RNASEL: variants seen among roughly 807,000 people sequenced by gnomAD.
RNASEL encodes ribonuclease L.
A neutral mutation model predicts 50.9 loss-of-function variants in RNASEL; 36 were observed. The ratio of observed to expected loss-of-function variants is 0.71; its 90% CI spans 0.54 to 0.93. The LOEUF (loss-of-function observed/expected upper bound fraction) is 0.93. Ranked by LOEUF, RNASEL falls within the 40% of genes least tolerant of loss-of-function variation. The pLI, the probability that RNASEL is intolerant of heterozygous loss-of-function variation, is 0.00. For synonymous variants in RNASEL, 335 were observed against 335.6 expected, an observed-to-expected ratio of 1.00 and a Z score of 0.02; for missense variants, 860 against 894.5, an observed-to-expected ratio of 0.96 and a Z score of 0.49.
intron 6 of RNASEL, 30 bp from the exon 7 acceptor site, chr1:182,575,608 C>T (rs1374865346): frequency 1.9e-6 from 3 of 1,613,088 alleles, no homozygotes; most frequent in South Asian, 1.1e-5. Context: ...GTTCAGCATG[C>T]TTGCCCCAAA....
rs913381634 is a variant in RNASEL at position 182,583,935 on chromosome 1, T to G, written c.1566+146A>C. ...TGGCTTATTATGGGACTTTATGTTG[T>G]GACCGTGTGAGTCAATTCTCCTTAA... is the stretch of plus-strand genomic sequence containing the variant. On this transcript the variant is annotated intron_variant, in intron 3 of 6. Coordinates refer to ENST00000367559, the MANE Select transcript of RNASEL (RefSeq NM_021133.4). 9.0e-5 allele frequency: 62 copies of G among 690,922 alleles called. No homozygotes were observed. In the African/African-American group the frequency reaches 9.7e-4, roughly 11 times the overall value. 42.8% of individuals were successfully genotyped at this position (690,922 alleles called of 1,614,324 possible).
intron 1 of RNASEL, among the ~76,000 whole-genome samples, chr1:182,588,718 T>C (rs370379652): frequency 6.6e-6 from 1 of 152,160 alleles, no homozygotes; most frequent in Non-Finnish European, 1.5e-5. Context: ...ACATACACGA[T>C]CACCAGGCAA....
intron 5 of RNASEL, chr1:182,579,357 T>C: frequency 4.0e-6 from 4 of 989,756 alleles, no homozygotes; most frequent in Non-Finnish European, 4.8e-6. Context: ...GGCTCTCATA[T>C]TTAGAAAGAG....
At chr1:182,581,473 C>CTTTTTTTTTTTTTTT (rs1011639686) in intron 4 of RNASEL, 116 bp from the exon 5 acceptor site, 5 of 294,820 alleles carry the variant, frequency 1.7e-5, no homozygotes, top group African/African-American at 4.0e-5. Flanking sequence ...GTTTTTCTTT[C>CTTTTTTTTTTTTTTT]TTTTTTTTTT....
intron 1 of RNASEL, among the ~76,000 whole-genome samples, chr1:182,588,492 C>T (rs1002725383): frequency 2.6e-5 from 4 of 152,236 alleles, no homozygotes; most frequent in African/African-American, 9.6e-5. Flanking sequence ...AGGCAACTGG[C>T]AGCTATCAAT....
intron 3 of RNASEL, 113 bp from the exon 4 acceptor site, chr1:182,582,371 T>A: frequency 7.8e-7 from 1 of 1,282,622 alleles, no homozygotes. Context: ...CTCAAGGAAT[T>A]TGTAGGCTTG....
chr1:182,585,761 T>A lies in RNASEL; in HGVS notation c.1046A>T (p.Asp349Val), dbSNP rs760812898. The A allele has an allele frequency of 1.9e-6, 3 of 1,614,146 alleles. No homozygotes were observed. The highest frequency in any genetic ancestry group is 2.2e-5 in the South Asian group (2 of 91,080). Residue 349 changes from aspartate (D) to valine (V), a missense_variant, in exon 2 of 7, where the codon GAT becomes GTT. Asp to Val is a radical substitution (Grantham distance 152). Transcript: ENST00000367559. The part of the protein sequence containing the change: ...QSSHWGAALK[D>V]LHRIYRPMIG... ...CATAGGGCGGTATATTCTGTGGAGATCCTTCAGGGCTGCCCCCCAGTGTGA... is the reference window on the plus strand; with the variant it reads ...CATAGGGCGGTATATTCTGTGGAGAACCTTCAGGGCTGCCCCCCAGTGTGA...
At chr1:182,577,304 T>C (rs1661408357) in intron 5 of RNASEL, among the ~76,000 whole-genome samples, 1 of 152,146 alleles carries the variant, frequency 6.6e-6, no homozygotes, top group Non-Finnish European at 1.5e-5. Flanking sequence ...AGAAATTAAA[T>C]ATATTAAAAT....
intron 5 of RNASEL, among the ~76,000 whole-genome samples, chr1:182,580,163 T>C (rs574784994): frequency 6.6e-5 from 10 of 152,254 alleles, no homozygotes; most frequent in Non-Finnish European, 1.0e-4. Context: ...TCTTTGTTTC[T>C]ACAAGTTAAA....
chr1:182,580,873 T>C (rs750362971), intron 5 of RNASEL, among the ~76,000 whole-genome samples: 6 of 152,232 alleles, frequency 3.9e-5, no homozygotes, highest in Non-Finnish European at 7.3e-5. Flanking sequence ...AGCACTTCCC[T>C]TGGATTAAGC....
chr1:182,585,397 C>A lies in RNASEL; in HGVS notation c.1410G>T (p.Lys470Asn), dbSNP rs1310401690. ...FARNVLSSIFKAVQELHLSCG... is the reference protein window; with the variant it reads ...FARNVLSSIFNAVQELHLSCG... Reference sequence around the variant, plus strand: ...AGGACAAGTGTAGTTCTTGAACAGCCTTAAATATAGATGACAGGACATTTC... The same window carrying A: ...AGGACAAGTGTAGTTCTTGAACAGCATTAAATATAGATGACAGGACATTTC... The change falls in exon 2 of 7, where the codon AAG becomes AAT. Residue 470 changes from lysine (K) to asparagine (N), a missense_variant. By Grantham distance (94) the Lys-to-Asn change is moderately conservative. Coordinates refer to ENST00000367559, the MANE Select transcript of RNASEL (RefSeq NM_021133.4). 1.2e-6 allele frequency: 2 copies of A among 1,614,020 alleles called. No homozygotes were observed.
intron 6 of RNASEL, 64 bp downstream of exon 6, chr1:182,576,192 G>A: frequency 6.5e-7 from 1 of 1,529,732 alleles, no homozygotes; most frequent in Non-Finnish European, 9.0e-7. Flanking sequence ...TATAAACTTA[G>A]AATTGGATTT....
At chr1:182,581,851 C>T (rs1661503291) in intron 4 of RNASEL, among the ~76,000 whole-genome samples, 1 of 152,138 alleles carries the variant, frequency 6.6e-6, no homozygotes, top group South Asian at 2.1e-4. Context: ...AGGCAAGCAT[C>T]TCTTTTTTTC....
In RNASEL at chr1:182,575,528, G is replaced by T; in HGVS notation, c.2090C>A (p.Pro697Gln). ...TGTGTAGACATAGATCACCAGATCT[G>T]GAAATGTCTTCTGAAAATACAGGGA... The part of the protein sequence containing the change: ...DPSLYFQKTF[P>Q]DLVIYVYTKL... Residue 697 changes from proline (P) to glutamine (Q), a missense_variant, in exon 7 of 7, where the codon CCA becomes CAA. By Grantham distance (76) the Pro-to-Gln change is moderately conservative. Coordinates refer to ENST00000367559, the MANE Select transcript of RNASEL (RefSeq NM_021133.4). 1 of 1,614,104 alleles carries T rather than the reference G, an allele frequency of 6.2e-7. No individual in the cohort carries two copies. Among genetic ancestry groups the T allele is most frequent in the Non-Finnish European group, 8.5e-7 (1 of 1,180,002 alleles).
intron 5 of RNASEL, chr1:182,578,114 T>A (rs1661425124): frequency 6.6e-6 from 1 of 151,974 alleles, no homozygotes; most frequent in South Asian, 2.1e-4. Context: ...GCACAAGCAA[T>A]GAAAATAAAG....
chr1:182,586,936 G>A lies in RNASEL; in HGVS notation c.-130C>T, dbSNP rs1661612994. ...TCTGGCAACAGAGCAGCAGTATGAAGAAGGAACAATGTTCTCAGTCTTCTG... is the reference window on the plus strand; with the variant it reads ...TCTGGCAACAGAGCAGCAGTATGAAAAAGGAACAATGTTCTCAGTCTTCTG... On this transcript the variant is annotated 5_prime_UTR_variant, in exon 2 of 7. Transcript: ENST00000367559. The A allele has an allele frequency of 1.6e-6, 2 of 1,223,426 alleles. No individual in the cohort carries two copies. Among genetic ancestry groups the A allele is most frequent in the African/African-American group, 3.0e-5 (2 of 67,348 alleles). The allele number at this position is 1,223,426 out of a possible 1,614,324, so 75.8% of individuals were successfully genotyped here. A position where few individuals can be genotyped will look rare whatever the true frequency, so the allele number is the denominator to read the frequency against.
At chr1:182,582,792 C>T (rs535771245) in intron 3 of RNASEL, among the ~76,000 whole-genome samples, 1 of 152,260 alleles carries the variant, frequency 6.6e-6, no homozygotes, top group South Asian at 2.1e-4. Context: ...AAATCTGATG[C>T]CACCAAACCA....
At chr1:182,584,703 G>A (rs1558474826) in intron 2 of RNASEL, among the ~76,000 whole-genome samples, 1 of 152,178 alleles carries the variant, frequency 6.6e-6, no homozygotes, top group Non-Finnish European at 1.5e-5. Flanking sequence ...CAAGTGACTT[G>A]TCTGAGGTTA....
chr1:182,575,119 G>C lies in RNASEL; in HGVS notation c.*273C>G. On this transcript the variant is annotated 3_prime_UTR_variant, in exon 7 of 7. Coordinates refer to ENST00000367559, the MANE Select transcript of RNASEL (RefSeq NM_021133.4). Reference sequence around the variant, plus strand: ...GAATTGTAACATATGCAGCATTAGGGGTCAAGGCACTCATTCTTTTGGTGC... The same window carrying C: ...GAATTGTAACATATGCAGCATTAGGCGTCAAGGCACTCATTCTTTTGGTGC... The C allele has an allele frequency of 4.0e-6, 2 of 506,188 alleles. No homozygotes were observed. The highest frequency in any genetic ancestry group is 7.1e-6 in the Non-Finnish European group (2 of 281,206). 31.4% of individuals were successfully genotyped at this position (506,188 alleles called of 1,614,324 possible).
Sources: allele counts gnomAD v4.1 joint callset (sites outside exome capture counted in the v4.1 genomes callset), GRCh38; gene constraint gnomAD v4.1.1; transcripts MANE v1.5; gene names NCBI Gene and HGNC (gene_info 2026-07-23, HGNC 2026-07-21).